The following TP63 variants were observed in gnomAD, a reference collection of about 807,000 sequenced individuals.
TP63 encodes tumor protein p63, also known as tumor protein 63.
TP63 carries 17 observed loss-of-function variants against 82.8 expected under a neutral mutation model. The observed-to-expected ratio is 0.21, with a 90% CI of 0.14 to 0.31. The LOEUF (loss-of-function observed/expected upper bound fraction) is 0.31, where lower values mean the gene tolerates loss of function less well. Ranked by LOEUF, TP63 falls within the 10% of genes least tolerant of loss-of-function variation. The pLI is 1.00. For synonymous variants in TP63, 330 were observed against 321.7 expected, an observed-to-expected ratio of 1.03 and a Z score of -0.28; for missense variants, 648 against 895.3, an observed-to-expected ratio of 0.72 and a Z score of 3.52.
chr3:189,750,394 T>C (rs1721718336), intron 3 of TP63, among the ~76,000 whole-genome samples: 1 of 152,206 alleles, frequency 6.6e-6, no homozygotes, highest in South Asian at 2.1e-4. Flanking sequence ...GTATAAGTTC[T>C]AATGTTGAAT....
intron 4 of TP63, among the ~76,000 whole-genome samples, chr3:189,819,747 CTTTTTTTTTTT>C (rs367763002): frequency 2.2e-5 from 2 of 89,858 alleles, no homozygotes; most frequent in Admixed American, 3.1e-4. Context: ...TATATTTTAC[CTTTTTTTTTTT>C]TTTTTTTTTT....
Position 189,858,202 on chromosome 3 carries a change from G to A in TP63, c.580-6030G>A, listed in dbSNP as rs1440092280. Among the ~76,000 whole-genome samples, 5 of 17,088 alleles carry A rather than the reference G, an allele frequency of 2.9e-4. 1 individual carries two copies. In the East Asian group the frequency reaches 4.9e-3, roughly 17 times the overall value. The allele number at this position is 17,088 out of a possible 152,430, so 11.2% of individuals were successfully genotyped here. ...GGGCGGATCACGAGGTCAGGAGATC[G>A]AGACCATCCTGGCTAACACGGTGAA... is the stretch of plus-strand genomic sequence containing the variant. On this transcript the variant is annotated intron_variant, in intron 4 of 13. Coordinates refer to ENST00000264731, the MANE Select transcript of TP63 (RefSeq NM_003722.5).
At chr3:189,801,483 G>T (rs1218652428) in intron 3 of TP63, among the ~76,000 whole-genome samples, 1 of 151,968 alleles carries the variant, frequency 6.6e-6, no homozygotes, top group East Asian at 1.9e-4. Context: ...GAGTTGTTAT[G>T]ATTATTATAG....
At chr3:189,814,653 A>T (rs1406466082) in intron 4 of TP63, among the ~76,000 whole-genome samples, 1 of 152,148 alleles carries the variant, frequency 6.6e-6, no homozygotes, top group Admixed American at 6.6e-5. Context: ...GTGCTTAGAG[A>T]TTTTTGGTGA....
intron 3 of TP63, among the ~76,000 whole-genome samples, chr3:189,767,750 G>A (rs577748875): frequency 1.2e-3 from 178 of 152,142 alleles, no homozygotes; most frequent in Admixed American, 2.0e-3. Context: ...TCATCTTATG[G>A]CTTAATTACA....
chr3:189,685,117 A>T (rs146675667), intron 1 of TP63, among the ~76,000 whole-genome samples: 1 of 152,322 alleles, frequency 6.6e-6, no homozygotes, highest in Non-Finnish European at 1.5e-5. Flanking sequence ...CTAAACGAAT[A>T]TGAGAGTATT....
At chr3:189,726,356 G>A (rs926212660) in intron 1 of TP63, among the ~76,000 whole-genome samples, 1 of 151,920 alleles carries the variant, frequency 6.6e-6, no homozygotes, top group Non-Finnish European at 1.5e-5. Flanking sequence ...CTATGACATC[G>A]AACCATATGA....
chr3:189,859,548 A>G (rs932862514), intron 4 of TP63, among the ~76,000 whole-genome samples: 36 of 152,210 alleles, frequency 2.4e-4, no homozygotes, highest in African/African-American at 8.2e-4. Flanking sequence ...TTAAAATAAC[A>G]GCTGACAATA....
rs113731906 is a variant in TP63, at chr3:189,686,910, T to C, written c.63-50830T>C. Among the ~76,000 whole-genome samples, 1,379 of 152,112 alleles carry C rather than the reference T, an allele frequency of 9.1e-3. 24 individuals are homozygous for C. The highest frequency in any genetic ancestry group is 0.031 in the African/African-American group (1,295 of 41,478). ...CACGCCCAGCTAATTTTTGTATTTTTAGTAGAGACGGGGTTTCTCCATATT... is the reference window on the plus strand; with the variant it reads ...CACGCCCAGCTAATTTTTGTATTTTCAGTAGAGACGGGGTTTCTCCATATT... On this transcript the variant is annotated intron_variant, in intron 1 of 13. Transcript: ENST00000264731.
chr3:189,688,474 T>C (rs1367925259), intron 1 of TP63, among the ~76,000 whole-genome samples: 1 of 152,204 alleles, frequency 6.6e-6, no homozygotes, highest in Non-Finnish European at 1.5e-5. Context: ...ACTGAGCTTA[T>C]TCACTACAAT....
At chr3:189,852,829 C>G (rs1290625246) in intron 4 of TP63, among the ~76,000 whole-genome samples, 2 of 152,162 alleles carry the variant, frequency 1.3e-5, no homozygotes, top group Non-Finnish European at 2.9e-5. Flanking sequence ...GCCTCATTGA[C>G]TTCTGCTCGG....
intron 3 of TP63, among the ~76,000 whole-genome samples, chr3:189,788,682 G>A (rs1031746000): frequency 6.6e-6 from 1 of 151,826 alleles, no homozygotes; most frequent in African/African-American, 2.4e-5. Flanking sequence ...TAACCATCAG[G>A]GTGCATTTCA....
At chr3:189,745,013 T>C (rs1230218152) in intron 3 of TP63, among the ~76,000 whole-genome samples, 1 of 152,196 alleles carries the variant, frequency 6.6e-6, no homozygotes, top group African/African-American at 2.4e-5. Context: ...CTGATGCTGT[T>C]TACAACTGAA....
the TP63 span, among the ~76,000 whole-genome samples, chr3:189,614,255 T>C: frequency 1.3e-5 from 2 of 152,190 alleles, no homozygotes; most frequent in Non-Finnish European, 2.9e-5. Flanking sequence ...ATTCTCTTGA[T>C]AGTGAGTAAG....
chr3:189,794,155 G>A (rs554097615), intron 3 of TP63, among the ~76,000 whole-genome samples: 1 of 152,116 alleles, frequency 6.6e-6, no homozygotes, highest in African/African-American at 2.4e-5. Flanking sequence ...TTCATGAAAA[G>A]TAGTATTGAG....
intron 1 of TP63, among the ~76,000 whole-genome samples, chr3:189,730,173 G>C (rs190417997): frequency 5.6e-4 from 86 of 152,226 alleles, no homozygotes; most frequent in Non-Finnish European, 1.2e-3. Context: ...TTTATCTAAG[G>C]GTTGAGGATA....
intron 2 of TP63, 68 bp from the exon 3 acceptor site, chr3:189,738,574 A>G: frequency 1.2e-6 from 2 of 1,611,256 alleles, no homozygotes; most frequent in East Asian, 4.5e-5. Flanking sequence ...GCTTGTTGTT[A>G]ACAACAGCAT....
Position 189,848,239 on chromosome 3 carries a change from TTCTC to T in TP63, c.580-15965_580-15962del, listed in dbSNP as rs59468983. On this transcript the variant is annotated intron_variant, in intron 4 of 13. Transcript: ENST00000264731. ...CTCTGCCTCCTCCTCCTCCTCCTCC[TTCTC>T]TCTCTCTCTCTCTCTCTCTCTCTCT... Among the ~76,000 whole-genome samples the T allele has an allele frequency of 1.6e-3, 156 of 95,982 alleles. 2 individuals carry two copies. Among genetic ancestry groups the T allele is most frequent in the African/African-American group, 4.7e-3 (111 of 23,478 alleles). The allele number at this position is 95,982 out of a possible 152,430, so 63.0% of individuals were successfully genotyped here. A position where few individuals can be genotyped will look rare whatever the true frequency, so the allele number is the denominator to read the frequency against.
chr3:189,617,944 G>A, the TP63 span, among the ~76,000 whole-genome samples: 1 of 152,176 alleles, frequency 6.6e-6, no homozygotes, highest in Non-Finnish European at 1.5e-5. Flanking sequence ...AGCTTCCACA[G>A]GTCCATGATT....
Sources: gnomAD v4.1 joint callset for allele counts (sites outside exome capture counted in the v4.1 genomes callset) on GRCh38, gnomAD v4.1.1 for gene constraint, MANE v1.5 for transcripts, NCBI Gene and HGNC (gene_info 2026-07-23, HGNC 2026-07-21) for gene names.